Variants in MICU3 observed in about 807,000 individuals in gnomAD.
The protein encoded by MICU3 is calcium uptake protein 3, mitochondrial.
In MICU3, 62 loss-of-function variants were observed where a neutral mutation model predicts 66.5. The observed-to-expected ratio is 0.93, with a 90% CI of 0.76 to 1.15. The LOEUF (loss-of-function observed/expected upper bound fraction) is 1.15, where lower values mean the gene tolerates loss of function less well. Ranked by LOEUF, MICU3 falls within the 50% of genes most tolerant of loss-of-function variation. MICU3 has a pLI of 0.00. For synonymous variants in MICU3, 308 were observed against 240.7 expected (o/e 1.28, Z -2.59); for missense variants, 779 against 664.4 (o/e 1.17, Z -1.90).
intron 1 of MICU3, among the ~76,000 whole-genome samples, chr8:17,043,348 T>C (rs986255826): frequency 3.3e-5 from 5 of 152,204 alleles, no homozygotes; most frequent in African/African-American, 1.2e-4. Context: ...TAAAATAATA[T>C]CATCTAAACC....
At chr8:17,062,943 G>T (rs541771203) in intron 1 of MICU3, among the ~76,000 whole-genome samples, 1 of 151,870 alleles carries the variant, frequency 6.6e-6, no homozygotes, top group African/African-American at 2.4e-5. Flanking sequence ...TTCAAGGTTG[G>T]TCATTATACC....
Position 17,027,539 on chromosome 8 carries a change from G to C in MICU3, c.260G>C (p.Gly87Ala). ...LVGLVCYQLY[G>A]DPRAGSPATG... ...GGCCTGGTATGCTACCAGCTGTACGGGGACCCCAGGGCCGGCTCGCCGGCG... is the reference window on the plus strand; with the variant it reads ...GGCCTGGTATGCTACCAGCTGTACGCGGACCCCAGGGCCGGCTCGCCGGCG... Residue 87 changes from glycine (G) to alanine (A), a missense_variant, in exon 1 of 15, where the codon GGG becomes GCG. Transcript: ENST00000318063. 2 of 1,280,400 alleles carry C rather than the reference G, an allele frequency of 1.6e-6. No individual in the cohort carries two copies. The highest frequency in any genetic ancestry group is 2.0e-6 in the Non-Finnish European group (2 of 1,015,984). 79.3% of individuals were successfully genotyped at this position (1,280,400 alleles called of 1,614,324 possible).
At chr8:17,060,748 A>C (rs1488651943) in intron 1 of MICU3, among the ~76,000 whole-genome samples, 1 of 151,998 alleles carries the variant, frequency 6.6e-6, no homozygotes, top group Non-Finnish European at 1.5e-5. Context: ...AGCCCTTTTA[A>C]GCACCAGGCC....
intron 13 of MICU3, among the ~76,000 whole-genome samples, chr8:17,117,449 T>A (rs1802789618): frequency 6.6e-6 from 1 of 152,086 alleles, no homozygotes; most frequent in East Asian, 1.9e-4. Flanking sequence ...CCAAGAAACA[T>A]GTTTTAAAGC....
chr8:17,083,401 G>A (rs1383180030), intron 5 of MICU3, among the ~76,000 whole-genome samples: 1 of 152,124 alleles, frequency 6.6e-6, no homozygotes, highest in Non-Finnish European at 1.5e-5. Flanking sequence ...TGGCTAATTT[G>A]TTAGTCCTAC....
At chr8:17,077,679 G>T (rs1820580491) in intron 3 of MICU3, 104 bp from the exon 4 acceptor site, 1 of 714,056 alleles carries the variant, frequency 1.4e-6, no homozygotes, top group African/African-American at 1.8e-5. Flanking sequence ...CCATGTTTCA[G>T]GTCTTTTAAG....
chr8:17,040,227 C>G (rs776709112), intron 1 of MICU3, among the ~76,000 whole-genome samples: 8 of 152,120 alleles, frequency 5.3e-5, no homozygotes, highest in Non-Finnish European at 8.8e-5. Flanking sequence ...TATTTTTAAC[C>G]TTAAATTTTT....
chr8:17,118,448 A>G (rs560862461), intron 13 of MICU3, among the ~76,000 whole-genome samples: 1 of 152,300 alleles, frequency 6.6e-6, no homozygotes, highest in East Asian at 1.9e-4. Context: ...TTTTTGAAAT[A>G]TGAAATACAT....
intron 11 of MICU3, among the ~76,000 whole-genome samples, chr8:17,108,727 C>T (rs1001288670): frequency 2.6e-5 from 4 of 152,176 alleles, no homozygotes; most frequent in Non-Finnish European, 5.9e-5. Context: ...CTTTGCCTCC[C>T]TGCAATCTAT....
At chr8:17,052,203 A>C (rs1816209243) in intron 1 of MICU3, among the ~76,000 whole-genome samples, 2 of 152,116 alleles carry the variant, frequency 1.3e-5, no homozygotes, top group African/African-American at 4.8e-5. Context: ...TAGAGACTTA[A>C]ATTTTTTTTT....
chr8:17,095,566 G>C (rs1278403700), intron 8 of MICU3, among the ~76,000 whole-genome samples: 3 of 151,866 alleles, frequency 2.0e-5, no homozygotes, highest in East Asian at 3.9e-4. Flanking sequence ...TTTTCCCCTA[G>C]TTTGTTTAAT....
At chr8:17,110,817 T>C (rs990870531) in intron 11 of MICU3, among the ~76,000 whole-genome samples, 2 of 152,042 alleles carry the variant, frequency 1.3e-5, no homozygotes, top group African/African-American at 2.4e-5. Context: ...CTTCAAGTGA[T>C]CCTCCCACCT....
At chr8:17,027,986 T>A (rs1811320877) in intron 1 of MICU3, among the ~76,000 whole-genome samples, 1 of 152,148 alleles carries the variant, frequency 6.6e-6, no homozygotes, top group African/African-American at 2.4e-5. Context: ...AGTGGACCGC[T>A]GTAGGTGTGG....
the MICU3 span, among the ~76,000 whole-genome samples, chr8:17,136,849 T>TC: frequency 6.6e-6 from 1 of 151,598 alleles, no homozygotes; most frequent in Admixed American, 6.6e-5. Context: ...TTTTTTTTTT[T>TC]TTTTGAGACG....
intron 1 of MICU3, among the ~76,000 whole-genome samples, chr8:17,056,845 G>A (rs1008507927): frequency 6.6e-6 from 1 of 152,208 alleles, no homozygotes; most frequent in Admixed American, 6.5e-5. Context: ...GAACATCGTG[G>A]ATTCATCTCC....
chr8:17,046,275 G>A (rs1421409954), intron 1 of MICU3, among the ~76,000 whole-genome samples: 1 of 152,086 alleles, frequency 6.6e-6, no homozygotes, highest in Non-Finnish European at 1.5e-5. Flanking sequence ...TTGATTGGAG[G>A]ACACCCAGTT....
the MICU3 span, among the ~76,000 whole-genome samples, chr8:17,128,229 TACACACACACACACACACAC>T: frequency 1.7e-4 from 25 of 144,546 alleles, no homozygotes; most frequent in African/African-American, 5.8e-4. Context: ...GAGATCAGTG[TACACACACACACACACACAC>T]ACACACACAC....
At chr8:17,058,471 G>T (rs17624782) in intron 1 of MICU3, among the ~76,000 whole-genome samples, 10,143 of 152,130 alleles carry the variant, frequency 0.067, 533 homozygotes, top group East Asian at 0.25. Context: ...TTGTAAACAA[G>T]CAAGACTCAC....
intron 1 of MICU3, among the ~76,000 whole-genome samples, chr8:17,060,140 C>T (rs1817590441): frequency 1.3e-5 from 2 of 152,076 alleles, no homozygotes; most frequent in African/African-American, 4.8e-5. Context: ...TAGAAGAGAA[C>T]AGAGAACTTA....
Sources: allele counts gnomAD v4.1 joint callset (sites outside exome capture counted in the v4.1 genomes callset), GRCh38; gene constraint gnomAD v4.1.1; transcripts MANE v1.5; gene names NCBI Gene and HGNC (gene_info 2026-07-23, HGNC 2026-07-21).